The following EYA1 variants were observed in gnomAD, a reference collection of about 807,000 sequenced individuals.
EYA1 encodes EYA transcriptional coactivator and phosphatase 1.
EYA1 carries 16 observed loss-of-function variants against 82.0 expected under a neutral mutation model. The ratio of observed to expected loss-of-function variants is 0.20; its 90% CI spans 0.13 to 0.30. EYA1 has a LOEUF of 0.30. EYA1 is among the 10% of genes least tolerant of loss of function. The probability of loss-of-function intolerance (pLI) is 1.00; values close to 1 mark genes in which losing one functional copy is unlikely to be tolerated. For synonymous variants in EYA1, 261 were observed against 264.4 expected (o/e 0.99, Z 0.12); for missense variants, 633 against 730.7 (o/e 0.87, Z 1.54).
At chr8:71,232,430 A>T (rs1162201257) in intron 12 of EYA1, among the ~76,000 whole-genome samples, 2 of 152,254 alleles carry the variant, frequency 1.3e-5, no homozygotes, top group Non-Finnish European at 2.9e-5. Flanking sequence ...GACAACGAGT[A>T]AAAGGACATT....
intron 2 of EYA1, among the ~76,000 whole-genome samples, chr8:71,385,183 A>G (rs973666477): frequency 1.3e-4 from 20 of 152,092 alleles, no homozygotes; most frequent in Non-Finnish European, 2.8e-4. Context: ...GGAATTAAGC[A>G]GATGGATTTC....
chr8:71,263,229 A>G (rs1410964065), intron 11 of EYA1, among the ~76,000 whole-genome samples: 1 of 152,244 alleles, frequency 6.6e-6, no homozygotes, highest in Non-Finnish European at 1.5e-5. Context: ...TCAATGGCAC[A>G]GGCAGAGGTG....
intron 2 of EYA1, among the ~76,000 whole-genome samples, chr8:71,444,832 A>C (rs1239959827): frequency 6.6e-6 from 1 of 152,238 alleles, no homozygotes; most frequent in Non-Finnish European, 1.5e-5. Flanking sequence ...GGAGGTAGTG[A>C]TATTAAAACT....
At chr8:71,211,606 T>G (rs1231401997) in intron 16 of EYA1, among the ~76,000 whole-genome samples, 1 of 152,216 alleles carries the variant, frequency 6.6e-6, no homozygotes, top group Non-Finnish European at 1.5e-5. Context: ...CCCCTATATA[T>G]AAGCTGAACT....
chr8:71,341,324 C>T (rs756549136), intron 3 of EYA1, among the ~76,000 whole-genome samples: 37 of 152,202 alleles, frequency 2.4e-4, no homozygotes, highest in Admixed American at 5.2e-4. Context: ...CGTTATGTTA[C>T]GGGTTGGATT....
chr8:71,417,155 C>T (rs1012691431), intron 2 of EYA1, among the ~76,000 whole-genome samples: 1 of 152,196 alleles, frequency 6.6e-6, no homozygotes, highest in Non-Finnish European at 1.5e-5. Context: ...CCTTGATCCT[C>T]AGCTTGCAGA....
At chr8:71,539,241 A>T (rs63363662) in intron 1 of EYA1, among the ~76,000 whole-genome samples, 1 of 148,034 alleles carries the variant, frequency 6.8e-6, no homozygotes, top group African/African-American at 2.5e-5. Flanking sequence ...CAAAAAAAAA[A>T]TTGAGAAAAA....
At chr8:71,359,257 T>C (rs1398137742) in intron 1 of EYA1, among the ~76,000 whole-genome samples, 1 of 152,196 alleles carries the variant, frequency 6.6e-6, no homozygotes, top group East Asian at 1.9e-4. Context: ...AATTTATAAT[T>C]CTTCACAGAT....
chr8:71,439,276 A>G (rs1271380966), intron 2 of EYA1, among the ~76,000 whole-genome samples: 1 of 152,130 alleles, frequency 6.6e-6, no homozygotes, highest in African/African-American at 2.4e-5. Flanking sequence ...TCCCTGATCC[A>G]TTGTAATTTG....
At chr8:71,238,007 A>G (rs545631607) in intron 12 of EYA1, among the ~76,000 whole-genome samples, 3 of 152,120 alleles carry the variant, frequency 2.0e-5, no homozygotes, top group Non-Finnish European at 2.9e-5. Flanking sequence ...TAGATGTATA[A>G]TTGGTACAAA....
intron 2 of EYA1, among the ~76,000 whole-genome samples, chr8:71,505,479 C>G (rs1207312320): frequency 1.3e-5 from 2 of 152,184 alleles, no homozygotes; most frequent in African/African-American, 4.8e-5. Context: ...TCCTTTGCGA[C>G]TTGTGGCAGG....
At chr8:71,389,735 T>G (rs1015952237) in intron 2 of EYA1, among the ~76,000 whole-genome samples, 1 of 152,186 alleles carries the variant, frequency 6.6e-6, no homozygotes, top group Non-Finnish European at 1.5e-5. Flanking sequence ...TCGTACAAGA[T>G]CATAACCTAT....
chr8:71,437,630 A>G (rs1413117312), intron 2 of EYA1, among the ~76,000 whole-genome samples: 1 of 152,148 alleles, frequency 6.6e-6, no homozygotes, highest in African/African-American at 2.4e-5. Context: ...GATGCTGAGC[A>G]TATTTAGAAG....
At chr8:71,471,930 A>C (rs138114323) in intron 2 of EYA1, among the ~76,000 whole-genome samples, 5 of 152,152 alleles carry the variant, frequency 3.3e-5, no homozygotes, top group Admixed American at 3.3e-4. Context: ...ACACAAAATC[A>C]CTGTTTGTAT....
At chr8:71,208,828 T>C (rs1327579256) in intron 17 of EYA1, among the ~76,000 whole-genome samples, 1 of 152,210 alleles carries the variant, frequency 6.6e-6, no homozygotes, top group Non-Finnish European at 1.5e-5. Flanking sequence ...AATTCCTTTG[T>C]TTTTTTCCAT....
At chr8:71,451,372 T>A (rs1344083366) in intron 2 of EYA1, among the ~76,000 whole-genome samples, 1 of 152,140 alleles carries the variant, frequency 6.6e-6, no homozygotes, top group African/African-American at 2.4e-5. Context: ...TAAAATTATA[T>A]CTTCAGAAAC....
chr8:71,391,203 G>A (rs1415420562), intron 2 of EYA1, among the ~76,000 whole-genome samples: 3 of 152,008 alleles, frequency 2.0e-5, no homozygotes, highest in Non-Finnish European at 4.4e-5. Flanking sequence ...GGCTGGTTTT[G>A]AACTCCTGAC....
At chr8:71,519,666 C>CAA (rs71956106) in intron 2 of EYA1, among the ~76,000 whole-genome samples, 9 of 126,192 alleles carry the variant, frequency 7.1e-5, no homozygotes, top group African/African-American at 2.3e-4. Flanking sequence ...TTGAAAATGG[C>CAA]AAAAAAAAAA....
At chr8:71,463,092 ACT>A (rs1808490680) in intron 2 of EYA1, among the ~76,000 whole-genome samples, 1 of 152,184 alleles carries the variant, frequency 6.6e-6, no homozygotes, top group African/African-American at 2.4e-5. Context: ...GATATTGTAG[ACT>A]CTTTTGTGTT....
Sources: gnomAD v4.1 joint callset for allele counts (sites outside exome capture counted in the v4.1 genomes callset) on GRCh38, gnomAD v4.1.1 for gene constraint, MANE v1.5 for transcripts, NCBI Gene and HGNC (gene_info 2026-07-23, HGNC 2026-07-21) for gene names.